PDE10A: variants seen among roughly 807,000 people sequenced by gnomAD.
PDE10A encodes cAMP and cAMP-inhibited cGMP 3',5'-cyclic phosphodiesterase 10A.
Under a neutral mutation model 97.7 loss-of-function variants are expected in PDE10A, and 39 were observed. The ratio of observed to expected loss-of-function variants is 0.40; its 90% confidence interval spans 0.31 to 0.52. The LOEUF (loss-of-function observed/expected upper bound fraction) is 0.52. Ranked by LOEUF, PDE10A falls within the 20% of genes least tolerant of loss-of-function variation. The probability of loss-of-function intolerance (pLI) is 0.56; values close to 1 mark genes in which losing one functional copy is unlikely to be tolerated. For synonymous variants in PDE10A, 371 were observed against 376.8 expected (o/e 0.98, Z 0.18); for missense variants, 731 against 1,047.8 (o/e 0.70, Z 4.17).
Position 165,752,154 on chromosome 6 carries a change from AG to A in PDE10A, c.-614-208587del, listed in dbSNP as rs1304725536. Among the ~76,000 whole-genome samples, 11 of 114,548 alleles carry A rather than the reference AG, an allele frequency of 9.6e-5. No homozygotes were observed. The East Asian group carries it at 2.8e-3, about 29-fold the overall frequency. 75.1% of individuals were successfully genotyped at this position (114,548 alleles called of 152,430 possible). ...CAAAAAAAAAAAAAAAAAAAAAAAA[AG>A]TGGGTAAAAGTAGGTATAAAGACAG... On this transcript the variant is annotated intron_variant, in intron 1 of 19. Coordinates refer to the PDE10A transcript ENST00000366882.
At chr6:165,464,720 C>G (rs559827123) in intron 3 of PDE10A, among the ~76,000 whole-genome samples, 1 of 152,202 alleles carries the variant, frequency 6.6e-6, no homozygotes, top group South Asian at 2.1e-4. Flanking sequence ...ATTAGTTTTG[C>G]CAGCTTTTGG....
intron 1 of PDE10A, among the ~76,000 whole-genome samples, chr6:165,925,885 G>A (rs968125437): frequency 5.9e-5 from 9 of 152,168 alleles, no homozygotes; most frequent in African/African-American, 1.9e-4. Context: ...AAACATTTGG[G>A]AAATCTGAAT....
At chr6:165,569,421 T>G (rs1017641983) in intron 1 of PDE10A, among the ~76,000 whole-genome samples, 1 of 152,248 alleles carries the variant, frequency 6.6e-6, no homozygotes, top group Non-Finnish European at 1.5e-5. Flanking sequence ...TGTGTCAATA[T>G]TCAAAGAACA....
intron 3 of PDE10A, among the ~76,000 whole-genome samples, chr6:165,451,782 G>A (rs1197510642): frequency 1.3e-5 from 2 of 152,158 alleles, no homozygotes; most frequent in Non-Finnish European, 2.9e-5. Context: ...AGAGACCCTA[G>A]AACAGTGGAA....
chr6:165,626,161 C>T (rs1026552074), intron 1 of PDE10A, among the ~76,000 whole-genome samples: 2 of 152,100 alleles, frequency 1.3e-5, no homozygotes, highest in African/African-American at 4.8e-5. Context: ...TCACATGCTG[C>T]CAAGAGGAAA....
chr6:165,722,706 A>G (rs1267209328), intron 1 of PDE10A, among the ~76,000 whole-genome samples: 1 of 152,162 alleles, frequency 6.6e-6, no homozygotes, highest in Non-Finnish European at 1.5e-5. Context: ...GATGGTGTCT[A>G]CTGTACTTGT....
At chr6:165,467,709 G>T (rs1475284724) in intron 3 of PDE10A, among the ~76,000 whole-genome samples, 1 of 152,216 alleles carries the variant, frequency 6.6e-6, no homozygotes, top group Non-Finnish European at 1.5e-5. Flanking sequence ...TATGCCTAGT[G>T]AAGATGCTAT....
In PDE10A at chr6:165,571,783, A is replaced by C. The variant is rs775957474; in HGVS notation, c.866-28215T>G. Reference sequence around the variant, plus strand: ...TTGAAGCTGTGCTGCAAATACTTCAAAAGTTTCTATTCACTTGCTGACACT... The same window carrying C: ...TTGAAGCTGTGCTGCAAATACTTCACAAGTTTCTATTCACTTGCTGACACT... On this transcript the variant is annotated intron_variant, in intron 1 of 21. Coordinates refer to ENST00000539869, the MANE Select transcript of PDE10A (RefSeq NM_001385079.1). Among the ~76,000 whole-genome samples, 62 of 152,222 alleles carry C rather than the reference A, an allele frequency of 4.1e-4. 1 individual carries two copies. The highest frequency in any genetic ancestry group is 1.5e-4 in the Non-Finnish European group (10 of 68,038).
intron 1 of PDE10A, among the ~76,000 whole-genome samples, chr6:165,603,324 A>C (rs935656165): frequency 3.9e-5 from 6 of 152,154 alleles, no homozygotes; most frequent in Non-Finnish European, 8.8e-5. Flanking sequence ...TTATTTTAGC[A>C]CTGTCCTTTA....
intron 4 of PDE10A, among the ~76,000 whole-genome samples, chr6:165,449,565 T>C (rs1342856137): frequency 2.6e-5 from 4 of 152,164 alleles, no homozygotes; most frequent in Non-Finnish European, 4.4e-5. Context: ...CTCTGTTCTA[T>C]AGCTTCCTCA....
At chr6:165,641,908 A>T (rs1370069248) in intron 1 of PDE10A, among the ~76,000 whole-genome samples, 2 of 152,130 alleles carry the variant, frequency 1.3e-5, no homozygotes, top group African/African-American at 4.8e-5. Context: ...TGTACCTCCC[A>T]CGGCAGCCCC....
At chr6:165,512,539 G>T (rs958659856) in intron 2 of PDE10A, among the ~76,000 whole-genome samples, 1 of 151,898 alleles carries the variant, frequency 6.6e-6, no homozygotes, top group Non-Finnish European at 1.5e-5. Flanking sequence ...TCTGACAGGG[G>T]TTGCAAATAG....
intron 3 of PDE10A, among the ~76,000 whole-genome samples, chr6:165,476,651 C>T (rs1233318281): frequency 6.6e-6 from 1 of 152,150 alleles, no homozygotes; most frequent in East Asian, 1.9e-4. Flanking sequence ...TCACCACATA[C>T]TAGGTTAAAT....
intron 1 of PDE10A, among the ~76,000 whole-genome samples, chr6:165,803,587 G>A (rs1327099138): frequency 6.6e-6 from 1 of 152,210 alleles, no homozygotes; most frequent in African/African-American, 2.4e-5. Flanking sequence ...TGCCCAGCTT[G>A]TAACCTAGCC....
At chr6:165,733,032 G>A (rs941911584) in intron 1 of PDE10A, among the ~76,000 whole-genome samples, 8 of 152,146 alleles carry the variant, frequency 5.3e-5, no homozygotes, top group Non-Finnish European at 1.0e-4. Context: ...CACCTGCCCC[G>A]AATTCCAAAG....
intron 2 of PDE10A, among the ~76,000 whole-genome samples, chr6:165,518,672 T>C (rs1338817440): frequency 6.6e-6 from 1 of 152,182 alleles, no homozygotes; most frequent in East Asian, 1.9e-4. Flanking sequence ...AGTTCTCAAC[T>C]TGATAAGGAA....
chr6:165,847,477 G>A (rs1562766126), intron 1 of PDE10A, among the ~76,000 whole-genome samples: 1 of 152,266 alleles, frequency 6.6e-6, no homozygotes, highest in Non-Finnish European at 1.5e-5. Context: ...ACTGCCTCGC[G>A]TGACAGCGAT....
At chr6:165,878,994 T>C (rs1781412033) in intron 1 of PDE10A, among the ~76,000 whole-genome samples, 1 of 152,178 alleles carries the variant, frequency 6.6e-6, no homozygotes, top group Non-Finnish European at 1.5e-5. Flanking sequence ...ACTGCCCAAA[T>C]AACAAATTCA....
At chr6:165,497,167 G>C (rs1403669100) in intron 2 of PDE10A, among the ~76,000 whole-genome samples, 1 of 152,080 alleles carries the variant, frequency 6.6e-6, no homozygotes, top group African/African-American at 2.4e-5. Flanking sequence ...TTTCTTCTCT[G>C]AGAGATTATA....
Sources: gnomAD v4.1 joint callset for allele counts (sites outside exome capture counted in the v4.1 genomes callset) on GRCh38, gnomAD v4.1.1 for gene constraint, MANE v1.5 for transcripts, NCBI Gene and HGNC (gene_info 2026-07-23, HGNC 2026-07-21) for gene names.